Variants in STX6 observed in about 807,000 individuals in gnomAD.
The protein encoded by STX6 is syntaxin 6.
A neutral mutation model predicts 38.0 loss-of-function variants in STX6; 23 were observed. The ratio of observed to expected loss-of-function variants is 0.60; its 90% confidence interval spans 0.43 to 0.86. The LOEUF is 0.86. STX6 is among the 40% of genes least tolerant of loss of function. The pLI, the probability that STX6 is intolerant of heterozygous loss-of-function variation, is 0.00. For synonymous variants in STX6, 123 were observed against 107.5 expected, an observed-to-expected ratio of 1.14 and a Z score of -0.89; for missense variants, 274 against 312.9, an observed-to-expected ratio of 0.88 and a Z score of 0.94.
At chr1:180,980,127 A>G (rs1040196449) in intron 7 of STX6, among the ~76,000 whole-genome samples, 2 of 147,640 alleles carry the variant, frequency 1.4e-5, no homozygotes, top group South Asian at 2.2e-4. Context: ...GAACCACTTG[A>G]GCCTGGAAGG....
intron 7 of STX6, chr1:180,980,738 T>G (rs1054604280): frequency 1.3e-5 from 2 of 152,024 alleles, no homozygotes; most frequent in African/African-American, 4.8e-5. Context: ...CATGGGTGTT[T>G]ATAACAGCTT....
chr1:181,011,045 T>G (rs142948231), intron 1 of STX6, among the ~76,000 whole-genome samples: 1 of 152,152 alleles, frequency 6.6e-6, no homozygotes, highest in Non-Finnish European at 1.5e-5. Flanking sequence ...TGGCAGGAAT[T>G]AGAAAAATGC....
At chr1:180,996,961 T>C (rs895826696) in intron 3 of STX6, among the ~76,000 whole-genome samples, 3 of 152,224 alleles carry the variant, frequency 2.0e-5, no homozygotes, top group Admixed American at 1.3e-4. Flanking sequence ...GAAGCATGGT[T>C]TGCAATTTCC....
intron 1 of STX6, among the ~76,000 whole-genome samples, chr1:181,012,836 G>A (rs557563718): frequency 4.1e-4 from 62 of 151,896 alleles, no homozygotes; most frequent in African/African-American, 1.2e-3. Flanking sequence ...CACCACGCCC[G>A]GCTAATTTTG....
intron 4 of STX6, among the ~76,000 whole-genome samples, chr1:180,990,873 G>C (rs79852108): frequency 6.6e-6 from 1 of 152,190 alleles, no homozygotes; most frequent in African/African-American, 2.4e-5. Flanking sequence ...CTCACATGAA[G>C]AAGACAGGCA....
At chr1:180,995,397 G>GA (rs2102313501) in intron 3 of STX6, among the ~76,000 whole-genome samples, 1 of 152,288 alleles carries the variant, frequency 6.6e-6, no homozygotes, top group African/African-American at 2.4e-5. Flanking sequence ...GCCTTCAAGA[G>GA]AAACTGATCA....
intron 1 of STX6, 74 bp downstream of exon 1, chr1:181,022,565 C>T: frequency 1.3e-6 from 2 of 1,504,330 alleles, no homozygotes. Context: ...CCCCCCACTG[C>T]GAGAAGACCT....
At chr1:180,998,418 T>A (rs867149604) in intron 3 of STX6, among the ~76,000 whole-genome samples, 1 of 152,122 alleles carries the variant, frequency 6.6e-6, no homozygotes, top group African/African-American at 2.4e-5. Flanking sequence ...AGTCTCACTC[T>A]GTCTCACAGG....
chr1:181,007,998 T>C (rs1353631190), intron 1 of STX6, among the ~76,000 whole-genome samples: 1 of 152,196 alleles, frequency 6.6e-6, no homozygotes, highest in Admixed American at 6.5e-5. Context: ...TAGAAGCATA[T>C]GATGAGAATC....
At chr1:181,017,427 C>A (rs913184850) in intron 1 of STX6, among the ~76,000 whole-genome samples, 1 of 152,070 alleles carries the variant, frequency 6.6e-6, no homozygotes, top group African/African-American at 2.4e-5. Context: ...AAAAAACTAT[C>A]CTCATCAGAC....
chr1:181,001,966 T>C (rs1008199548), intron 3 of STX6, among the ~76,000 whole-genome samples: 1 of 152,050 alleles, frequency 6.6e-6, no homozygotes, highest in Non-Finnish European at 1.5e-5. Flanking sequence ...ACTACTTGAG[T>C]TCAGGAGTTC....
intron 1 of STX6, among the ~76,000 whole-genome samples, chr1:181,009,786 T>C (rs1227093668): frequency 6.6e-6 from 1 of 152,182 alleles, no homozygotes; most frequent in African/African-American, 2.4e-5. Context: ...CTAAGTGAAA[T>C]GAAAACTTAT....
chr1:181,012,004 T>A (rs558313396), intron 1 of STX6, among the ~76,000 whole-genome samples: 72 of 152,332 alleles, frequency 4.7e-4, no homozygotes, highest in African/African-American at 1.7e-3. Context: ...GATTTAGCTA[T>A]TTTTTTCCTC....
chr1:180,976,100 A>G lies in STX6; in HGVS notation c.*470T>C, dbSNP rs1655239094. 6.4e-6 allele frequency: 1 copy of G among 155,136 alleles called. No homozygotes were observed. Among genetic ancestry groups the G allele is most frequent in the African/African-American group, 2.4e-5 (1 of 41,528 alleles). The allele number at this position is 155,136 out of a possible 1,614,324, so 9.6% of individuals were successfully genotyped here. A position where few individuals can be genotyped will look rare whatever the true frequency, so the allele number is the denominator to read the frequency against. On this transcript the variant is annotated 3_prime_UTR_variant, in exon 8 of 8. Transcript: ENST00000258301. ...TCAGGGGATAAGAAATGCTACAGCAATGGGAAACGAAACATACCCAGAAGC... is the reference window on the plus strand; with the variant it reads ...TCAGGGGATAAGAAATGCTACAGCAGTGGGAAACGAAACATACCCAGAAGC...
intron 1 of STX6, among the ~76,000 whole-genome samples, chr1:181,011,673 G>C (rs1243445044): frequency 1.3e-5 from 2 of 152,212 alleles, no homozygotes; most frequent in Non-Finnish European, 2.9e-5. Flanking sequence ...ACCTATTTGA[G>C]ATTTGTGAGG....
chr1:180,996,661 C>T (rs1001643432), intron 3 of STX6, among the ~76,000 whole-genome samples: 9 of 152,096 alleles, frequency 5.9e-5, no homozygotes, highest in African/African-American at 2.2e-4. Context: ...CAGCCTCAAC[C>T]TCTCAGGCTC....
intron 1 of STX6, among the ~76,000 whole-genome samples, chr1:181,014,834 G>T (rs1024833418): frequency 6.6e-6 from 1 of 152,160 alleles, no homozygotes; most frequent in Non-Finnish European, 1.5e-5. Context: ...CAACCACACT[G>T]TGACATATTT....
intron 3 of STX6, among the ~76,000 whole-genome samples, chr1:181,002,113 G>A (rs1430235408): frequency 6.6e-6 from 1 of 152,054 alleles, no homozygotes; most frequent in Non-Finnish European, 1.5e-5. Context: ...ATTTCAGCCT[G>A]GTCAACACAG....
chr1:181,007,334 G>A (rs960655312), intron 1 of STX6, among the ~76,000 whole-genome samples: 2 of 151,740 alleles, frequency 1.3e-5, no homozygotes, highest in Non-Finnish European at 1.5e-5. Flanking sequence ...AGAAAAAAAA[G>A]TCTGTACATG....
Sources: gnomAD v4.1 joint callset for allele counts (sites outside exome capture counted in the v4.1 genomes callset) on GRCh38, gnomAD v4.1.1 for gene constraint, MANE v1.5 for transcripts, NCBI Gene and HGNC (gene_info 2026-07-23, HGNC 2026-07-21) for gene names.